MYH10: variants seen among roughly 807,000 people sequenced by gnomAD.
MYH10 encodes myosin heavy chain 10, also known as myosin-10.
Under a neutral mutation model 257.8 loss-of-function variants are expected in MYH10, and 55 were observed. The observed-to-expected ratio is 0.21, with a 90% confidence interval of 0.17 to 0.27. MYH10 has a LOEUF of 0.27. MYH10 is among the 10% of genes least tolerant of loss of function. The pLI is 1.00. For missense variants in MYH10, 1,631 were observed against 2,500.6 expected (o/e 0.65, Z 7.42); for synonymous variants, 854 against 921.7 (o/e 0.93, Z 1.33).
rs1189693159 is a variant in MYH10, at chr17:8,475,775, T to G, written c.*29A>C. ...CCGGGTGCATTCCTAACTGTCCCAC[T>G]GTATTGCCTCCTCTGGCTTCCTGCA... is the stretch of plus-strand genomic sequence containing the variant. On this transcript the variant is annotated 3_prime_UTR_variant, in exon 43 of 43. Transcript: ENST00000360416. The G allele has an allele frequency of 2.5e-6, 4 of 1,608,862 alleles. No homozygotes were observed. The highest frequency in any genetic ancestry group is 2.5e-6 in the Non-Finnish European group (3 of 1,176,538).
intron 21 of MYH10, among the ~76,000 whole-genome samples, chr17:8,515,116 T>G (rs1480044423): frequency 6.6e-6 from 1 of 152,218 alleles, no homozygotes; most frequent in African/African-American, 2.4e-5. Context: ...CCAGGCCTCC[T>G]GAGGATGTTT....
At chr17:8,557,955 G>A (rs185471395) in intron 7 of MYH10, among the ~76,000 whole-genome samples, 1 of 152,276 alleles carries the variant, frequency 6.6e-6, no homozygotes, top group East Asian at 1.9e-4. Context: ...CAAATTTACT[G>A]AGGTAATGAT....
Position 8,492,285 on chromosome 17 carries a change from C to A in MYH10, c.4671+12G>T. 1 of 1,609,930 alleles carries A rather than the reference C, an allele frequency of 6.2e-7. No individual in the cohort carries two copies. On this transcript the variant is annotated intron_variant, in intron 34 of 42. Coordinates refer to ENST00000360416, the MANE Select transcript of MYH10 (RefSeq NM_001256012.3). ...TCCCGTGCGGAAGTGTGGAGCCCAC[C>A]AGGCGACTTACGTTTTTTCCCACAT...
intron 36 of MYH10, among the ~76,000 whole-genome samples, chr17:8,485,814 A>G (rs900535818): frequency 6.6e-6 from 1 of 152,222 alleles, no homozygotes; most frequent in African/African-American, 2.4e-5. Context: ...ACCCAGCTCA[A>G]TTCCACTCCT....
intron 14 of MYH10, 124 bp from the exon 15 acceptor site, chr17:8,536,055 T>C: frequency 1.2e-6 from 1 of 843,712 alleles, no homozygotes; most frequent in Non-Finnish European, 1.8e-6. Flanking sequence ...ATTGCTAGGA[T>C]GGAAAGGAAT....
chr17:8,575,003 T>C (rs2083457526), intron 6 of MYH10, among the ~76,000 whole-genome samples: 1 of 152,212 alleles, frequency 6.6e-6, no homozygotes, highest in Non-Finnish European at 1.5e-5. Flanking sequence ...AACATCAGCA[T>C]AGCTACTGCT....
At chr17:8,568,632 T>C (rs1206253810) in intron 7 of MYH10, among the ~76,000 whole-genome samples, 2 of 152,132 alleles carry the variant, frequency 1.3e-5, no homozygotes, top group Non-Finnish European at 2.9e-5. Context: ...TAAGTGGAAA[T>C]AATTGAACAA....
chr17:8,508,740 T>G, intron 25 of MYH10, 63 bp from the exon 26 acceptor site: 1 of 1,595,674 alleles, frequency 6.3e-7, no homozygotes, highest in Non-Finnish European at 8.5e-7. Flanking sequence ...GGTTCTGTAT[T>G]CCTCATAAAG....
At chr17:8,626,331 C>T (rs371934022) in intron 1 of MYH10, among the ~76,000 whole-genome samples, 4 of 151,926 alleles carry the variant, frequency 2.6e-5, no homozygotes, top group African/African-American at 9.7e-5. Context: ...TTTGGGAGGG[C>T]GAGGCAGGTA....
At chr17:8,590,849 C>A (rs183501972) in intron 3 of MYH10, among the ~76,000 whole-genome samples, 2 of 147,978 alleles carry the variant, frequency 1.4e-5, no homozygotes, top group Admixed American at 1.4e-4. Flanking sequence ...CCCAAACACT[C>A]TCCCTCAGGT....
chr17:8,511,584 A>G (rs1423843880), intron 24 of MYH10, among the ~76,000 whole-genome samples: 1 of 152,228 alleles, frequency 6.6e-6, no homozygotes, highest in Non-Finnish European at 1.5e-5. Context: ...GGTTGTACAA[A>G]TCAACACATG....
intron 4 of MYH10, among the ~76,000 whole-genome samples, chr17:8,579,996 G>A (rs1166472351): frequency 1.3e-5 from 2 of 152,030 alleles, no homozygotes; most frequent in Non-Finnish European, 2.9e-5. Flanking sequence ...GCATGGTGGC[G>A]GGCGCCTGTA....
At chr17:8,557,045 G>T (rs11868717) in intron 7 of MYH10, among the ~76,000 whole-genome samples, 1 of 151,680 alleles carries the variant, frequency 6.6e-6, no homozygotes, top group Non-Finnish European at 1.5e-5. Flanking sequence ...TTTTACTTAC[G>T]ACTTTAGGGC....
chr17:8,513,443 C>A (rs2081363218), intron 23 of MYH10, 95 bp downstream of exon 23: 1 of 1,530,710 alleles, frequency 6.5e-7, no homozygotes, highest in Non-Finnish European at 8.7e-7. Flanking sequence ...ATGGTGGGTA[C>A]AGCTATTCAT....
chr17:8,579,866 T>C (rs922792444), intron 4 of MYH10, among the ~76,000 whole-genome samples: 1 of 152,242 alleles, frequency 6.6e-6, no homozygotes, highest in African/African-American at 2.4e-5. Context: ...AAAAATTTTA[T>C]GATTTCAGGT....
At chr17:8,495,334 C>A in intron 30 of MYH10, 93 bp from the exon 31 acceptor site, 2 of 777,732 alleles carry the variant, frequency 2.6e-6, no homozygotes, top group East Asian at 2.6e-5. Context: ...GAGAAGAACT[C>A]GGCGGGAGTG....
intron 7 of MYH10, among the ~76,000 whole-genome samples, chr17:8,565,506 G>A (rs992554766): frequency 2.6e-5 from 4 of 152,224 alleles, no homozygotes; most frequent in East Asian, 1.9e-4. Flanking sequence ...AAAAAAATAC[G>A]TATCAATAAA....
Position 8,487,465 on chromosome 17 carries a change from C to T in MYH10, c.5014G>A (p.Asp1672Asn). Residue 1672 changes from aspartate (D) to asparagine (N), a missense_variant, in exon 36 of 43, where the codon GAT becomes AAT. By Grantham distance (23) the Asp-to-Asn change is conservative. Coordinates refer to ENST00000360416, the MANE Select transcript of MYH10 (RefSeq NM_001256012.3). ...AQIEAANKAR[D>N]EVIKQLRKLQ... ...TTGCGGAGCTGCTTAATCACCTCATCCCGAGCTTTGTTCGCAGCCTCGATT... is the reference window on the plus strand; with the variant it reads ...TTGCGGAGCTGCTTAATCACCTCATTCCGAGCTTTGTTCGCAGCCTCGATT... The T allele has an allele frequency of 6.2e-7, 1 of 1,614,222 alleles. No individual in the cohort carries two copies. Among genetic ancestry groups the T allele is most frequent in the Non-Finnish European group, 8.5e-7 (1 of 1,180,046 alleles).
intron 31 of MYH10, among the ~76,000 whole-genome samples, chr17:8,494,441 A>C (rs1916264301): frequency 6.6e-6 from 1 of 152,082 alleles, no homozygotes; most frequent in Non-Finnish European, 1.5e-5. Context: ...GGCCTCCTCT[A>C]GTCTCACTCA....
Sources: gnomAD v4.1 joint callset for allele counts (sites outside exome capture counted in the v4.1 genomes callset) on GRCh38, gnomAD v4.1.1 for gene constraint, MANE v1.5 for transcripts, NCBI Gene and HGNC (gene_info 2026-07-23, HGNC 2026-07-21) for gene names.